Variants in DLGAP5 observed in about 807,000 individuals in gnomAD.
DLGAP5 encodes the protein DLG associated protein 5.
DLGAP5 carries 90 observed loss-of-function variants against 99.6 expected under a neutral mutation model. The ratio of observed to expected loss-of-function variants is 0.90; its 90% confidence interval spans 0.76 to 1.08. The LOEUF (loss-of-function observed/expected upper bound fraction) is 1.08. Among genes scored for constraint, DLGAP5 ranks in the 50% least tolerant of loss-of-function variants. The pLI is 0.00. For missense variants in DLGAP5, 1,036 were observed against 983.5 expected, an observed-to-expected ratio of 1.05 and a Z score of -0.71; for synonymous variants, 311 against 321.3, an observed-to-expected ratio of 0.97 and a Z score of 0.34.
chr14:55,163,627 T>C (rs1040041934), intron 12 of DLGAP5, among the ~76,000 whole-genome samples: 2 of 152,208 alleles, frequency 1.3e-5, no homozygotes, highest in African/African-American at 4.8e-5. Flanking sequence ...TATAACATTT[T>C]GCATTCCCAT....
intron 18 of DLGAP5, 200 bp from the exon 19 acceptor site, chr14:55,148,673 G>A (rs1339965390): frequency 2.9e-6 from 3 of 1,027,330 alleles, no homozygotes; most frequent in South Asian, 1.4e-5. Context: ...GAGCAACATA[G>A]CAAGATCCCA....
chr14:55,190,289 T>TACACACACACACACACACACACACAAAC (rs1555330254), intron 1 of DLGAP5, among the ~76,000 whole-genome samples: 8 of 147,416 alleles, frequency 5.4e-5, no homozygotes, highest in African/African-American at 2.0e-4. Context: ...AGAAAAGCCA[T>TACACACACACACACACACACACACAAAC]ACACACACAC....
At chr14:55,183,284 T>C (rs926320964) in intron 3 of DLGAP5, among the ~76,000 whole-genome samples, 1 of 152,216 alleles carries the variant, frequency 6.6e-6, no homozygotes, top group Non-Finnish European at 1.5e-5. Flanking sequence ...TATAAACTTC[T>C]CCTGATTCTG....
chr14:55,177,778 C>T (rs1051962363), intron 7 of DLGAP5, among the ~76,000 whole-genome samples: 3 of 151,502 alleles, frequency 2.0e-5, no homozygotes, highest in African/African-American at 7.3e-5. Context: ...ACCTCGTCAT[C>T]CGCCCGCCTA....
In DLGAP5 at chr14:55,150,780, G is replaced by T; in HGVS notation, c.2418+19C>A. 6.4e-7 allele frequency: 1 copy of T among 1,551,146 alleles called. No homozygotes were observed. Among genetic ancestry groups the T allele is most frequent in the Non-Finnish European group, 8.7e-7 (1 of 1,149,460 alleles). ...ACAAATCTAGAATATAAAGGGACTT[G>T]TCAAGTTGGAAAACTTACTGAATCA... On this transcript the variant is annotated intron_variant, in intron 18 of 18. Transcript: ENST00000247191.
At chr14:55,172,981 C>CAAAAAAAA (rs71291818) in intron 10 of DLGAP5, among the ~76,000 whole-genome samples, 7 of 62,108 alleles carry the variant, frequency 1.1e-4, no homozygotes, top group African/African-American at 3.0e-4. Context: ...GACTCCGTCT[C>CAAAAAAAA]AAAAAAAAAA....
chr14:55,167,097 T>C (rs1882670127), intron 12 of DLGAP5, among the ~76,000 whole-genome samples: 1 of 151,090 alleles, frequency 6.6e-6, no homozygotes, highest in Non-Finnish European at 1.5e-5. Context: ...CTACTAAAAA[T>C]ACAAAAATTA....
chr14:55,167,049 G>C (rs545611730), intron 12 of DLGAP5, among the ~76,000 whole-genome samples: 1 of 151,968 alleles, frequency 6.6e-6, no homozygotes, highest in African/African-American at 2.4e-5. Context: ...GAGGTCAGGA[G>C]TTTAAGACAA....
At chr14:55,169,228 A>G (rs1447934031) in intron 12 of DLGAP5, among the ~76,000 whole-genome samples, 171 bp downstream of exon 12, 1 of 151,566 alleles carries the variant, frequency 6.6e-6, no homozygotes, top group African/African-American at 2.4e-5. Context: ...AGAAGAGGAC[A>G]TCAGTCATAA....
intron 14 of DLGAP5, among the ~76,000 whole-genome samples, chr14:55,157,551 A>C (rs1291443038): frequency 1.3e-5 from 2 of 152,220 alleles, no homozygotes; most frequent in African/African-American, 4.8e-5. Flanking sequence ...ATTTCAATTG[A>C]GATAAATTCA....
At chr14:55,181,365 G>T in intron 4 of DLGAP5, 68 bp from the exon 5 acceptor site, 2 of 1,288,430 alleles carry the variant, frequency 1.6e-6, no homozygotes, top group Non-Finnish European at 1.1e-6. Context: ...TTTTTAATCT[G>T]TAAATTGATT....
At chr14:55,183,916 G>C (rs1883352346) in intron 2 of DLGAP5, among the ~76,000 whole-genome samples, 163 bp from the exon 3 acceptor site, 1 of 152,196 alleles carries the variant, frequency 6.6e-6, no homozygotes, top group Non-Finnish European at 1.5e-5. Flanking sequence ...ACTTTGGGAG[G>C]CTGAGGAGGG....
rs143543841 is a variant in DLGAP5 at position 55,183,662 on chromosome 14, T to C, written c.330A>G (p.Arg110=). ...TAAATATTCCTCGTTTAGCTTTCTC[T>C]CTCTGCTCTTTCAATTTTTGAAGTT... ...EKQLQKLKEQ[R]EKAKRGIFKV... The change falls in exon 3 of 19, where the codon AGA becomes AGG. Residue 110 remains arginine, a synonymous_variant. Coordinates refer to ENST00000247191, the MANE Select transcript of DLGAP5 (RefSeq NM_014750.5). The C allele has an allele frequency of 2.4e-5, 38 of 1,612,396 alleles. No homozygotes were observed. Among genetic ancestry groups the C allele is most frequent in the Middle Eastern group, 1.6e-4 (1 of 6,078 alleles).
Position 55,179,650 on chromosome 14 carries a change from AT to A in DLGAP5, c.752del (p.Asn251MetfsTer2), listed in dbSNP as rs1339561379. The A allele has an allele frequency of 6.2e-7, 1 of 1,612,576 alleles. No individual in the cohort carries two copies. Among genetic ancestry groups the A allele is most frequent in the Admixed American group, 1.7e-5 (1 of 59,894 alleles). ...KVPSKGRPAKNVETKPDKGIS... is the reference protein window; with the variant it reads ...KVPSKGRPAKXVETKPDKGIS... ...CTACCTTGTCGGGTTTTGTTTCTACATTTTTGGCAGGTCTTCCTTTACTTGG... is the reference window on the plus strand; with the variant it reads ...CTACCTTGTCGGGTTTTGTTTCTACATTTTGGCAGGTCTTCCTTTACTTGG... On this transcript the variant is annotated frameshift_variant, in exon 7 of 19. Coordinates refer to ENST00000247191, the MANE Select transcript of DLGAP5 (RefSeq NM_014750.5). LOFTEE classifies it high-confidence loss of function.
At chr14:55,177,937 C>G (rs933404743) in intron 7 of DLGAP5, among the ~76,000 whole-genome samples, 1 of 151,930 alleles carries the variant, frequency 6.6e-6, no homozygotes, top group South Asian at 2.1e-4. Flanking sequence ...TCAACAAATA[C>G]GTATCTTTTT....
chr14:55,183,969 G>C (rs1306543615), intron 2 of DLGAP5, among the ~76,000 whole-genome samples: 1 of 152,052 alleles, frequency 6.6e-6, no homozygotes, highest in Admixed American at 6.6e-5. Context: ...CCTGGCCAAC[G>C]TGGTGAAATC....
rs747100024 is a variant in DLGAP5, at chr14:55,189,084, T to C, written c.96A>G (p.Lys32=). 5 of 1,614,062 alleles carry C rather than the reference T, an allele frequency of 3.1e-6. No individual in the cohort carries two copies. The highest frequency in any genetic ancestry group is 1.7e-5 in the Admixed American group (1 of 60,032). Residue 32 remains lysine, a synonymous_variant, in exon 2 of 19, where the codon AAA becomes AAG. Coordinates refer to ENST00000247191, the MANE Select transcript of DLGAP5 (RefSeq NM_014750.5). ...KIAHRKSLSQ[K]ENRHKEYERN... ...GTTCGTATTCCTTATGTCTATTTTC[T>C]TTCTGAGACAGTGATTTCCTATGAG...
At chr14:55,154,974 T>TA (rs774816695) in intron 14 of DLGAP5, among the ~76,000 whole-genome samples, 168 bp from the exon 15 acceptor site, 12 of 152,204 alleles carry the variant, frequency 7.9e-5, no homozygotes, top group Non-Finnish European at 1.2e-4. Flanking sequence ...AAATGCATAT[T>TA]AGATGCTGCT....
intron 12 of DLGAP5, among the ~76,000 whole-genome samples, chr14:55,168,120 T>A (rs1042073938): frequency 9.2e-5 from 14 of 152,194 alleles, no homozygotes; most frequent in Non-Finnish European, 1.9e-4. Context: ...CATGCCTGGC[T>A]AAGTTTATTT....
Sources: allele counts gnomAD v4.1 joint callset (sites outside exome capture counted in the v4.1 genomes callset), GRCh38; gene constraint gnomAD v4.1.1; transcripts MANE v1.5; gene names NCBI Gene and HGNC (gene_info 2026-07-23, HGNC 2026-07-21).